The following ITGB3BP variants were observed in gnomAD, a reference collection of about 807,000 sequenced individuals.
The protein encoded by ITGB3BP is integrin subunit beta 3 binding protein.
ITGB3BP carries 27 observed loss-of-function variants against 29.1 expected under a neutral mutation model. That is an observed-to-expected ratio of 0.93 (90% CI 0.68 to 1.28). The LOEUF (loss-of-function observed/expected upper bound fraction) is 1.28. ITGB3BP is among the 50% of genes most tolerant of loss of function. ITGB3BP has a pLI of 0.00. For synonymous variants in ITGB3BP, 61 were observed against 61.4 expected, an observed-to-expected ratio of 0.99 and a Z score of 0.03; for missense variants, 192 against 200.2, an observed-to-expected ratio of 0.96 and a Z score of 0.25.
At chr1:63,473,602 C>T (rs1645258707) in intron 4 of ITGB3BP, among the ~76,000 whole-genome samples, 1 of 137,038 alleles carries the variant, frequency 7.3e-6, no homozygotes, top group Admixed American at 6.9e-5. Flanking sequence ...GCCAGCCGCC[C>T]CGTCCGGGAG....
intron 2 of ITGB3BP, among the ~76,000 whole-genome samples, chr1:63,504,547 T>C (rs1003654285): frequency 2.0e-5 from 3 of 152,140 alleles, no homozygotes; most frequent in Admixed American, 1.3e-4. Flanking sequence ...TCCAACACTA[T>C]GTTGAATAGG....
intron 2 of ITGB3BP, among the ~76,000 whole-genome samples, chr1:63,501,191 A>C (rs1443688887): frequency 6.6e-6 from 1 of 152,190 alleles, no homozygotes; most frequent in African/African-American, 2.4e-5. Flanking sequence ...ACAAAAATTA[A>C]CTCAAAATGG....
At chr1:63,478,528 A>G (rs908001080) in intron 4 of ITGB3BP, among the ~76,000 whole-genome samples, 5 of 152,232 alleles carry the variant, frequency 3.3e-5, no homozygotes, top group Admixed American at 1.3e-4. Flanking sequence ...TCTATTACGC[A>G]TAGGCTCGGA....
At chr1:63,463,477 T>C (rs1343372317) in intron 4 of ITGB3BP, among the ~76,000 whole-genome samples, 2 of 152,172 alleles carry the variant, frequency 1.3e-5, no homozygotes, top group African/African-American at 4.8e-5. Flanking sequence ...TACTACAGTT[T>C]TGTAAGATGT....
chr1:63,514,226 A>C (rs1309496479), intron 1 of ITGB3BP, among the ~76,000 whole-genome samples: 1 of 152,206 alleles, frequency 6.6e-6, no homozygotes, highest in African/African-American at 2.4e-5. Flanking sequence ...TTTTTAATTA[A>C]TATTCTATCT....
At chr1:63,468,571 C>CA (rs1208499697) in intron 4 of ITGB3BP, among the ~76,000 whole-genome samples, 5 of 151,432 alleles carry the variant, frequency 3.3e-5, no homozygotes, top group Non-Finnish European at 5.9e-5. Context: ...ACTAAAAATA[C>CA]AAAAAATTGG....
At chr1:63,519,575 T>A (rs1296334105) in intron 1 of ITGB3BP, among the ~76,000 whole-genome samples, 1 of 152,234 alleles carries the variant, frequency 6.6e-6, no homozygotes, top group Admixed American at 6.5e-5. Context: ...GTACTAAAAA[T>A]TTCACCAATC....
Position 63,454,452 on chromosome 1 carries a change from GCTCT to G in ITGB3BP, c.351_354del (p.Arg117SerfsTer15), listed in dbSNP as rs1465361395. Reference sequence around the variant, plus strand: ...CAGGAGATTCCAATGAGATTTTCAAGCTCTCTACTGCCCTCCAAAGCCTACAAGA... The same window carrying G: ...CAGGAGATTCCAATGAGATTTTCAAGCTACTGCCCTCCAAAGCCTACAAGA... On this transcript the variant is annotated frameshift_variant, in exon 6 of 9. Coordinates refer to ENST00000271002, the MANE Select transcript of ITGB3BP (RefSeq NM_014288.5). LOFTEE classifies it high-confidence loss of function. The surrounding 1 kb of genome is among the most constrained non-coding windows in gnomAD (Gnocchi z 4.1). 4 of 1,593,666 alleles carry G rather than the reference GCTCT, an allele frequency of 2.5e-6. No homozygotes were observed. The highest frequency in any genetic ancestry group is 3.4e-6 in the Non-Finnish European group (4 of 1,165,538).
chr1:63,480,438 AGAGTT>A lies in ITGB3BP; in HGVS notation c.185-1610_185-1606del, dbSNP rs532951584. 5.3e-5 allele frequency among the ~76,000 whole-genome samples: 8 copies of A among 152,308 alleles called. No homozygotes were observed. In the South Asian group the frequency reaches 1.0e-3, roughly 20 times the overall value. ...CAAGTATTTGAGGACACATATTAGT[AGAGTT>A]AAGATTTTCAGTGTCTTAAATATAC... On this transcript the variant is annotated intron_variant, in intron 3 of 8. Transcript: ENST00000271002.
chr1:63,502,029 G>C (rs1447295155), intron 2 of ITGB3BP, among the ~76,000 whole-genome samples: 1 of 152,144 alleles, frequency 6.6e-6, no homozygotes, highest in Non-Finnish European at 1.5e-5. Flanking sequence ...CCCAACCGTA[G>C]CATCTTCTAT....
intron 3 of ITGB3BP, among the ~76,000 whole-genome samples, chr1:63,485,933 A>G (rs1645520200): frequency 6.6e-6 from 1 of 152,022 alleles, no homozygotes; most frequent in Non-Finnish European, 1.5e-5. Context: ...GCCCAGACTT[A>G]GCATGCTACT....
intron 3 of ITGB3BP, among the ~76,000 whole-genome samples, chr1:63,487,160 A>G (rs1044848519): frequency 2.0e-5 from 3 of 151,944 alleles, no homozygotes; most frequent in African/African-American, 7.2e-5. Flanking sequence ...TTATGCATCC[A>G]TGGCATAGCC....
intron 2 of ITGB3BP, among the ~76,000 whole-genome samples, chr1:63,504,688 C>A (rs1048434741): frequency 6.6e-6 from 1 of 152,070 alleles, no homozygotes; most frequent in Non-Finnish European, 1.5e-5. Flanking sequence ...TACGTCCCAT[C>A]GATACCTAAT....
intron 7 of ITGB3BP, chr1:63,447,540 CA>C: frequency 2.1e-6 from 1 of 473,334 alleles, no homozygotes; most frequent in Non-Finnish European, 4.2e-6. Context: ...GTGGGAGCCT[CA>C]AAGATGAAGC....
chr1:63,503,910 C>CCCTTTATTTCCTTCTCCTGCCTGA (rs1557648472), intron 2 of ITGB3BP, among the ~76,000 whole-genome samples: 3 of 152,176 alleles, frequency 2.0e-5, no homozygotes, highest in African/African-American at 7.2e-5. Flanking sequence ...GTTTTGGTTA[C>CCCTTTATTTCCTTCTCCTGCCTGA]TGTAGCCTTG....
chr1:63,474,983 CTGAT>C (rs1222068491), intron 4 of ITGB3BP, among the ~76,000 whole-genome samples: 1 of 152,070 alleles, frequency 6.6e-6, no homozygotes, highest in African/African-American at 2.4e-5. Flanking sequence ...GATTGATTCA[CTGAT>C]TGATTGAGAT....
chr1:63,485,551 T>A (rs1645511735), intron 3 of ITGB3BP, among the ~76,000 whole-genome samples: 3 of 152,204 alleles, frequency 2.0e-5, no homozygotes, highest in African/African-American at 4.8e-5. Context: ...TAGATTAACA[T>A]GTTTGCTAAT....
chr1:63,482,724 G>T (rs1645461217), intron 3 of ITGB3BP, among the ~76,000 whole-genome samples: 1 of 141,926 alleles, frequency 7.0e-6, no homozygotes, highest in South Asian at 2.2e-4. Flanking sequence ...TGCGATCTCT[G>T]CTCACTGCAA....
At chr1:63,462,510 C>A (rs1405305349) in intron 4 of ITGB3BP, among the ~76,000 whole-genome samples, 1 of 152,162 alleles carries the variant, frequency 6.6e-6, no homozygotes. Context: ...CAATGTTGAA[C>A]ACCAGTGGTG....
Sources: allele counts gnomAD v4.1 joint callset (sites outside exome capture counted in the v4.1 genomes callset), GRCh38; gene constraint gnomAD v4.1.1; non-coding constraint Gnocchi (gnomAD v3.1); transcripts MANE v1.5; gene names NCBI Gene and HGNC (gene_info 2026-07-23, HGNC 2026-07-21).